SYT9: variants seen among roughly 807,000 people sequenced by gnomAD.
SYT9 encodes synaptotagmin-9.
In SYT9, 22 loss-of-function variants were observed where a neutral mutation model predicts 48.4. That is an observed-to-expected ratio of 0.45 (90% CI 0.32 to 0.65). The LOEUF (loss-of-function observed/expected upper bound fraction) is 0.65. SYT9 is among the 30% of genes least tolerant of loss of function. SYT9 has a pLI of 0.03. For synonymous variants in SYT9, 265 were observed against 245.0 expected (o/e 1.08, Z -0.76); for missense variants, 577 against 622.0 (o/e 0.93, Z 0.77).
chr11:7,265,247 G>A (rs1000489593), intron 1 of SYT9, among the ~76,000 whole-genome samples: 2 of 152,080 alleles, frequency 1.3e-5, no homozygotes, highest in African/African-American at 4.8e-5. Context: ...AACACATTAA[G>A]TTTGGGATGT....
chr11:7,459,261 C>G (rs1235047022), intron 6 of SYT9, among the ~76,000 whole-genome samples: 2 of 152,124 alleles, frequency 1.3e-5, no homozygotes, highest in African/African-American at 4.8e-5. Flanking sequence ...CATAGGAAAA[C>G]ATAAAATAGC....
chr11:7,314,959 C>T (rs139697437), intron 3 of SYT9, among the ~76,000 whole-genome samples: 106 of 152,300 alleles, frequency 7.0e-4, no homozygotes, highest in Non-Finnish European at 1.1e-3. Flanking sequence ...ATACCTGCAC[C>T]AGTACCCTCT....
chr11:7,247,461 T>TCATATATATATA, upstream of SYT9, among the ~76,000 whole-genome samples: 2 of 150,742 alleles, frequency 1.3e-5, no homozygotes, highest in Admixed American at 1.3e-4. Flanking sequence ...TAGTATTCCA[T>TCATATATATATA]CATATATATA....
intron 3 of SYT9, among the ~76,000 whole-genome samples, chr11:7,395,270 G>GA (rs1846730158): frequency 6.6e-6 from 1 of 151,952 alleles, no homozygotes; most frequent in Non-Finnish European, 1.5e-5. Flanking sequence ...CCAAACATGT[G>GA]GTCAATTTCA....
intron 6 of SYT9, among the ~76,000 whole-genome samples, chr11:7,432,437 C>T (rs1327509928): frequency 1.3e-5 from 2 of 150,284 alleles, no homozygotes; most frequent in Admixed American, 6.6e-5. Flanking sequence ...ATCCCAGCTA[C>T]TCGGGAGGCT....
chr11:7,262,561 G>C (rs374957666), intron 1 of SYT9, among the ~76,000 whole-genome samples: 26 of 152,194 alleles, frequency 1.7e-4, no homozygotes, highest in African/African-American at 6.0e-4. Context: ...TTAATGAAGA[G>C]AGACTAGAAA....
intron 6 of SYT9, among the ~76,000 whole-genome samples, chr11:7,456,431 C>A (rs1424970397): frequency 1.3e-5 from 2 of 152,230 alleles, no homozygotes; most frequent in Non-Finnish European, 2.9e-5. Flanking sequence ...CCTGCACATG[C>A]AGCAGGCTGG....
chr11:7,330,399 C>T (rs941761983), intron 3 of SYT9, among the ~76,000 whole-genome samples: 3 of 151,588 alleles, frequency 2.0e-5, no homozygotes, highest in South Asian at 2.1e-4. Flanking sequence ...TGGGGAGATG[C>T]GTTGATGACA....
At chr11:7,406,333 C>T (rs754413644) in intron 3 of SYT9, among the ~76,000 whole-genome samples, 10 of 151,930 alleles carry the variant, frequency 6.6e-5, no homozygotes, top group South Asian at 4.2e-4. Flanking sequence ...ACCCACACAC[C>T]CTTCCTACCC....
intron 3 of SYT9, among the ~76,000 whole-genome samples, chr11:7,378,674 T>A (rs1388328876): frequency 6.6e-6 from 1 of 152,032 alleles, no homozygotes; most frequent in Non-Finnish European, 1.5e-5. Context: ...GGAGCAAGTC[T>A]CCACCCATGG....
At chr11:7,242,460 G>C (rs1077665) in intron 1 of SYT9, among the ~76,000 whole-genome samples, 1 of 152,136 alleles carries the variant, frequency 6.6e-6, no homozygotes. Flanking sequence ...TGATAATTAA[G>C]AACACCACCC....
At chr11:7,274,662 C>T (rs1278134704) in intron 1 of SYT9, among the ~76,000 whole-genome samples, 2 of 152,106 alleles carry the variant, frequency 1.3e-5, no homozygotes, top group Non-Finnish European at 2.9e-5. Context: ...TAGTTTCTTC[C>T]TATACAGCTG....
At chr11:7,381,621 T>C (rs1589985737) in intron 3 of SYT9, among the ~76,000 whole-genome samples, 1 of 152,176 alleles carries the variant, frequency 6.6e-6, no homozygotes, top group East Asian at 1.9e-4. Context: ...AGAGAGTGTC[T>C]GCCAAATGTA....
chr11:7,351,116 G>T (rs2134003342), intron 3 of SYT9, among the ~76,000 whole-genome samples: 1 of 152,270 alleles, frequency 6.6e-6, no homozygotes, highest in Admixed American at 6.5e-5. Context: ...TATCTTTAAT[G>T]ATTTTTTTAA....
chr11:7,383,278 G>C (rs886490560), intron 3 of SYT9, among the ~76,000 whole-genome samples: 3 of 152,174 alleles, frequency 2.0e-5, no homozygotes, highest in African/African-American at 7.2e-5. Flanking sequence ...TCTCACAATG[G>C]TTTTTGCTTT....
At chr11:7,266,968 A>T (rs1049239586) in intron 1 of SYT9, among the ~76,000 whole-genome samples, 2 of 152,096 alleles carry the variant, frequency 1.3e-5, no homozygotes, top group African/African-American at 4.8e-5. Context: ...ACATTTGTCT[A>T]CTGATTTATA....
At chr11:7,287,890 C>A (rs1471266628) in intron 1 of SYT9, among the ~76,000 whole-genome samples, 1 of 152,112 alleles carries the variant, frequency 6.6e-6, no homozygotes, top group African/African-American at 2.4e-5. Context: ...GACAACCAAA[C>A]ACCTTATGTT....
chr11:7,441,217 C>T (rs1847824093), intron 6 of SYT9: 2 of 152,184 alleles, frequency 1.3e-5, no homozygotes, highest in East Asian at 1.9e-4. Flanking sequence ...CATTGATACA[C>T]ATATTGTGGG....
At chr11:7,439,734 A>C (rs1847791319) in intron 6 of SYT9, 1 of 152,282 alleles carries the variant, frequency 6.6e-6, no homozygotes, top group Admixed American at 6.5e-5. Flanking sequence ...CACGGTGCCT[A>C]CCATCTCAGC....
Sources: allele counts gnomAD v4.1 joint callset (sites outside exome capture counted in the v4.1 genomes callset), GRCh38; gene constraint gnomAD v4.1.1; transcripts MANE v1.5; gene names NCBI Gene and HGNC (gene_info 2026-07-23, HGNC 2026-07-21).